The following TAFA2 variants were observed in gnomAD, a reference collection of about 807,000 sequenced individuals.
TAFA2 encodes TAFA chemokine like family member 2, also known as chemokine-like protein TAFA-2.
In TAFA2, 7 loss-of-function variants were observed where a neutral mutation model predicts 18.8. The ratio of observed to expected loss-of-function variants is 0.37; its 90% CI spans 0.21 to 0.70. The LOEUF (loss-of-function observed/expected upper bound fraction) is 0.70, where lower values mean the gene tolerates loss of function less well. Among genes scored for constraint, TAFA2 ranks in the 30% least tolerant of loss-of-function variants. The pLI is 0.53. For missense variants in TAFA2, 122 were observed against 158.1 expected, an observed-to-expected ratio of 0.77 and a Z score of 1.23; for synonymous variants, 60 against 54.2, an observed-to-expected ratio of 1.11 and a Z score of -0.47.
chr12:62,109,093 T>C (rs1397027174), intron 1 of TAFA2, among the ~76,000 whole-genome samples: 1 of 152,248 alleles, frequency 6.6e-6, no homozygotes, highest in Non-Finnish European at 1.5e-5. Flanking sequence ...GGTTTTCTTC[T>C]AGGATTTTTA....
chr12:62,077,314 A>G (rs937937828), intron 1 of TAFA2, among the ~76,000 whole-genome samples: 4 of 152,220 alleles, frequency 2.6e-5, no homozygotes, highest in Non-Finnish European at 5.9e-5. Flanking sequence ...TTAATTGACA[A>G]AGAAATATTC....
intron 1 of TAFA2, among the ~76,000 whole-genome samples, chr12:61,898,087 C>T (rs974557240): frequency 1.3e-5 from 2 of 152,350 alleles, no homozygotes; most frequent in South Asian, 4.1e-4. Flanking sequence ...CCAAAACAAT[C>T]TTCTTCTAAC....
intron 1 of TAFA2, among the ~76,000 whole-genome samples, chr12:61,963,468 AT>A: frequency 6.6e-6 from 1 of 151,772 alleles, no homozygotes; most frequent in East Asian, 1.9e-4. Context: ...TCTTTTTCAT[AT>A]GTTTGTTGGC....
intron 1 of TAFA2, among the ~76,000 whole-genome samples, chr12:62,187,832 T>C (rs1473101317): frequency 6.6e-6 from 1 of 152,176 alleles, no homozygotes; most frequent in African/African-American, 2.4e-5. Context: ...GAACCTAAAG[T>C]AAAACTGTTT....
chr12:62,020,421 T>A (rs1381880904), intron 1 of TAFA2, among the ~76,000 whole-genome samples: 1 of 152,132 alleles, frequency 6.6e-6, no homozygotes, highest in African/African-American at 2.4e-5. Context: ...AATAGCTCAC[T>A]AAGAAAACTT....
chr12:61,790,929 T>C (rs764708427), intron 2 of TAFA2, among the ~76,000 whole-genome samples: 2 of 151,724 alleles, frequency 1.3e-5, no homozygotes, highest in Non-Finnish European at 2.9e-5. Flanking sequence ...GGGGAAAACC[T>C]AGAGGCATCA....
intron 1 of TAFA2, among the ~76,000 whole-genome samples, chr12:62,124,662 A>G (rs1870372897): frequency 2.6e-5 from 4 of 152,172 alleles, no homozygotes; most frequent in Admixed American, 2.6e-4. Context: ...AAAAATTAGG[A>G]AATTATATAT....
intron 1 of TAFA2, among the ~76,000 whole-genome samples, chr12:62,161,595 G>A (rs142354725): frequency 0.014 from 2,158 of 152,250 alleles, 54 homozygotes; most frequent in African/African-American, 0.049. Context: ...CTTAATGGGT[G>A]CAGTGTAGGT....
At chr12:62,060,499 C>T (rs1331494002) in intron 1 of TAFA2, among the ~76,000 whole-genome samples, 1 of 152,172 alleles carries the variant, frequency 6.6e-6, no homozygotes, top group Non-Finnish European at 1.5e-5. Flanking sequence ...ATACATAATA[C>T]TTAATAATAA....
chr12:62,119,934 G>A (rs1870121073), intron 1 of TAFA2, among the ~76,000 whole-genome samples: 1 of 151,996 alleles, frequency 6.6e-6, no homozygotes, highest in Non-Finnish European at 1.5e-5. Flanking sequence ...TTAGCTGGGT[G>A]TGGTGGTGCA....
chr12:62,124,980 T>G (rs554873338), intron 1 of TAFA2, among the ~76,000 whole-genome samples: 4 of 151,956 alleles, frequency 2.6e-5, no homozygotes, highest in Non-Finnish European at 4.4e-5. Flanking sequence ...TCAAAAAAAG[T>G]ACCAAGAATT....
chr12:62,229,188 T>C (rs2062801192), intron 1 of TAFA2, among the ~76,000 whole-genome samples: 1 of 152,188 alleles, frequency 6.6e-6, no homozygotes, highest in Admixed American at 6.5e-5. Context: ...CTTTCCTGTT[T>C]GGATGCCTTC....
At chr12:62,250,290 A>T (rs554874861) in intron 1 of TAFA2, among the ~76,000 whole-genome samples, 3 of 152,200 alleles carry the variant, frequency 2.0e-5, no homozygotes, top group African/African-American at 7.2e-5. Flanking sequence ...ATAACTGATG[A>T]TAAGTTTTCT....
intron 2 of TAFA2, among the ~76,000 whole-genome samples, chr12:61,757,912 T>C (rs1324948458): frequency 6.6e-6 from 1 of 152,088 alleles, no homozygotes; most frequent in Non-Finnish European, 1.5e-5. Context: ...CGAATCTAAG[T>C]TCCTTCTAGT....
intron 1 of TAFA2, among the ~76,000 whole-genome samples, chr12:62,142,548 T>G (rs933482846): frequency 6.6e-6 from 1 of 152,184 alleles, no homozygotes; most frequent in African/African-American, 2.4e-5. Context: ...GTGTCTTCCA[T>G]GCATGACTAC....
At chr12:62,010,931 T>G (rs1880733122) in intron 1 of TAFA2, among the ~76,000 whole-genome samples, 1 of 90,974 alleles carries the variant, frequency 1.1e-5, no homozygotes, top group Non-Finnish European at 2.1e-5. Flanking sequence ...GTCTGGGAGG[T>G]GGGGAGCGCC....
intron 1 of TAFA2, among the ~76,000 whole-genome samples, chr12:62,122,328 A>G (rs960950344): frequency 6.6e-6 from 1 of 152,202 alleles, no homozygotes; most frequent in African/African-American, 2.4e-5. Flanking sequence ...AAAGTAGTCT[A>G]GATGAAACCC....
Position 61,963,491 on chromosome 12 carries a change from C to T in TAFA2, c.-1-96065G>A, listed in dbSNP as rs12311389. 8.5e-3 allele frequency among the ~76,000 whole-genome samples: 1,286 copies of T among 152,058 alleles called. 20 individuals are homozygous for T. The highest frequency in any genetic ancestry group is 0.028 in the African/African-American group (1,150 of 41,504). On this transcript the variant is annotated intron_variant, in intron 1 of 4. Transcript: ENST00000416284. ...ATATGTTTGTTGGCTGCATAAATGT[C>T]TTCTTTTGAGAAGTGTCTGTTCATA...
intron 1 of TAFA2, among the ~76,000 whole-genome samples, chr12:62,102,736 A>C (rs1194256637): frequency 6.6e-6 from 1 of 152,244 alleles, no homozygotes; most frequent in African/African-American, 2.4e-5. Flanking sequence ...CAATTTCCTC[A>C]TCAGCTTAAA....
Sources: gnomAD v4.1 joint callset for allele counts (sites outside exome capture counted in the v4.1 genomes callset) on GRCh38, gnomAD v4.1.1 for gene constraint, MANE v1.5 for transcripts, NCBI Gene and HGNC (gene_info 2026-07-23, HGNC 2026-07-21) for gene names.